The following RPTOR variants were observed in gnomAD, a reference collection of about 807,000 sequenced individuals.
RPTOR encodes regulatory associated protein of MTOR complex 1.
A neutral mutation model predicts 169.9 loss-of-function variants in RPTOR; 21 were observed. The observed-to-expected ratio is 0.12, with a 90% CI of 0.09 to 0.18. The LOEUF (loss-of-function observed/expected upper bound fraction) is 0.18. RPTOR is among the 10% of genes least tolerant of loss of function. The pLI is 1.00. For synonymous variants in RPTOR, 732 were observed against 753.2 expected, an observed-to-expected ratio of 0.97 and a Z score of 0.46; for missense variants, 1,133 against 1,855.9, an observed-to-expected ratio of 0.61 and a Z score of 7.16.
chr17:80,643,584 A>C, intron 2 of RPTOR, 144 bp from the exon 3 acceptor site: 1 of 590,038 alleles, frequency 1.7e-6, no homozygotes, highest in Non-Finnish European at 3.0e-6. Flanking sequence ...AATCTGGTTA[A>C]CACTGATCAA....
At chr17:80,557,053 G>C (rs1322438905) in intron 1 of RPTOR, among the ~76,000 whole-genome samples, 1 of 152,078 alleles carries the variant, frequency 6.6e-6, no homozygotes, top group Non-Finnish European at 1.5e-5. Flanking sequence ...CCAAGATCTT[G>C]CCACTGCACT....
intron 3 of RPTOR, among the ~76,000 whole-genome samples, chr17:80,665,428 CTTT>C (rs1567846271): frequency 7.2e-5 from 1 of 13,834 alleles, no homozygotes; most frequent in Non-Finnish European, 1.2e-4. Context: ...CTTTCCTTTC[CTTT>C]CCTTTCCTTT....
At chr17:80,593,574 T>TA (rs2065123194) in intron 1 of RPTOR, 1 of 154,396 alleles carries the variant, frequency 6.5e-6, no homozygotes, top group Non-Finnish European at 1.5e-5. Flanking sequence ...TTCAAAAGAC[T>TA]ACGTATACAT....
intron 2 of RPTOR, among the ~76,000 whole-genome samples, chr17:80,639,061 T>C (rs2065532025): frequency 6.6e-6 from 1 of 152,138 alleles, no homozygotes; most frequent in African/African-American, 2.4e-5. Flanking sequence ...TCTCACTGTA[T>C]ACAGGACTAA....
chr17:80,732,779 T>G (rs2066403387), intron 5 of RPTOR, among the ~76,000 whole-genome samples: 1 of 152,264 alleles, frequency 6.6e-6, no homozygotes, highest in Non-Finnish European at 1.5e-5. Context: ...TTCATTTTAG[T>G]AATTTCACTA....
chr17:80,962,825 C>T lies in RPTOR; in HGVS notation c.3810-103C>T, dbSNP rs953405341. ...TCACACCTGCCCCGAGCCAGCCTGT[C>T]CCCGTGGTCTAGCCGGCCTGTCCCC... On this transcript the variant is annotated intron_variant, in intron 32 of 33. Coordinates refer to ENST00000306801, the MANE Select transcript of RPTOR (RefSeq NM_020761.3). 5.8e-6 allele frequency: 9 copies of T among 1,553,028 alleles called. No homozygotes were observed. In the African/African-American group the frequency reaches 9.5e-5, roughly 16 times the overall value.
Position 80,672,112 on chromosome 17 carries a change from C to T in RPTOR, c.348+28302C>T, listed in dbSNP as rs1014002149. Among the ~76,000 whole-genome samples the T allele has an allele frequency of 6.6e-5, 10 of 152,154 alleles. No individual in the cohort carries two copies. In the East Asian group the frequency reaches 7.7e-4, roughly 12 times the overall value. On this transcript the variant is annotated intron_variant, in intron 3 of 33. Transcript: ENST00000306801. ...TACTATATTACGAAGTGTTCTGACTCGGATACTGGAGAGGAACAGTGGCCC... is the reference window on the plus strand; with the variant it reads ...TACTATATTACGAAGTGTTCTGACTTGGATACTGGAGAGGAACAGTGGCCC...
At chr17:80,839,085 C>A (rs1247690361) in intron 10 of RPTOR, among the ~76,000 whole-genome samples, 1 of 152,200 alleles carries the variant, frequency 6.6e-6, no homozygotes, top group Non-Finnish European at 1.5e-5. Context: ...TCAGTGCACA[C>A]CACAGCCGTC....
At chr17:80,545,877 C>G in intron 1 of RPTOR, 86 bp downstream of exon 1, 1 of 1,170,316 alleles carries the variant, frequency 8.5e-7, no homozygotes, top group South Asian at 1.7e-5. Flanking sequence ...CTTGGGAAAG[C>G]GCCGACATTT....
chr17:80,920,254 C>T (rs2068729070), intron 21 of RPTOR, among the ~76,000 whole-genome samples: 1 of 152,184 alleles, frequency 6.6e-6, no homozygotes, highest in South Asian at 2.1e-4. Context: ...ACAATCTTGG[C>T]CCCACACCCA....
At chr17:80,553,301 G>A (rs978865004) in intron 1 of RPTOR, among the ~76,000 whole-genome samples, 6 of 152,322 alleles carry the variant, frequency 3.9e-5, no homozygotes, top group African/African-American at 9.6e-5. Flanking sequence ...CTTCATGGAC[G>A]CAGCACGTCC....
intron 21 of RPTOR, among the ~76,000 whole-genome samples, chr17:80,917,769 T>C (rs1221771748): frequency 6.6e-6 from 1 of 152,114 alleles, no homozygotes; most frequent in African/African-American, 2.4e-5. Context: ...CCTCTAGAAC[T>C]GCACCTCTCT....
rs1032029340 is a variant in RPTOR at position 80,816,788 on chromosome 17, G to A, written c.891-5413G>A. ...GAGGAGCCTACGGGGGCCAAGGAGA[G>A]CTTAGCTAGTGCCAGCTTCAGGGCC... On this transcript the variant is annotated intron_variant, in intron 7 of 33. Coordinates refer to ENST00000306801, the MANE Select transcript of RPTOR (RefSeq NM_020761.3). Among the ~76,000 whole-genome samples, 8 of 152,332 alleles carry A rather than the reference G, an allele frequency of 5.3e-5. No homozygotes were observed. In the South Asian group the frequency reaches 6.2e-4, roughly 12 times the overall value.
At chr17:80,848,691 T>C (rs968653995) in intron 11 of RPTOR, among the ~76,000 whole-genome samples, 2 of 152,272 alleles carry the variant, frequency 1.3e-5, no homozygotes, top group Admixed American at 6.5e-5. Flanking sequence ...GCTCTCTTAC[T>C]GGCCTTCCTA....
Position 80,947,161 on chromosome 17 carries a change from T to G in RPTOR, c.3141-66T>G. 1 of 1,442,406 alleles carries G rather than the reference T, an allele frequency of 6.9e-7. No individual in the cohort carries two copies. The highest frequency in any genetic ancestry group is 9.2e-7 in the Non-Finnish European group (1 of 1,087,284). 89.4% of individuals were successfully genotyped at this position (1,442,406 alleles called of 1,614,324 possible). ...TAGCAGCCCGGTGGGTTTCAGGAGG[T>G]ATCTCACTGTCATTTGGGTTTGCAG... is the stretch of plus-strand genomic sequence containing the variant. On this transcript the variant is annotated intron_variant, in intron 26 of 33. Coordinates refer to ENST00000306801, the MANE Select transcript of RPTOR (RefSeq NM_020761.3). The surrounding 1 kb of genome is among the most constrained non-coding windows in gnomAD (Gnocchi z 4.4).
rs975121872 is a variant in RPTOR at position 80,754,480 on chromosome 17, A to G, written c.830+295A>G. ...ACTGCGGAGGCGTCTTAGTACCAGG[A>G]TAGGTCATACTGGAAACTGGACTTT... On this transcript the variant is annotated intron_variant, in intron 6 of 33. Coordinates refer to ENST00000306801, the MANE Select transcript of RPTOR (RefSeq NM_020761.3). This position sits in a 1 kb window ranked among gnomAD's most constrained non-coding sequence, Gnocchi z 4.2. 2.0e-5 allele frequency among the ~76,000 whole-genome samples: 3 copies of G among 152,196 alleles called. No homozygotes were observed. The highest frequency in any genetic ancestry group is 2.0e-4 in the Admixed American group (3 of 15,278).
chr17:80,728,446 G>GGTGTGTGT (rs71367012), intron 4 of RPTOR, among the ~76,000 whole-genome samples: 165 of 148,220 alleles, frequency 1.1e-3, no homozygotes, highest in African/African-American at 1.7e-3. Flanking sequence ...TCCACTCTGG[G>GGTGTGTGT]GTGTGTGTGT....
At chr17:80,631,295 C>G (rs893944060) in intron 2 of RPTOR, among the ~76,000 whole-genome samples, 1 of 152,094 alleles carries the variant, frequency 6.6e-6, no homozygotes, top group Non-Finnish European at 1.5e-5. Context: ...GACTTCAAGC[C>G]TCTCCACACT....
Position 80,737,700 on chromosome 17 carries a change from A to C in RPTOR, c.654+6994A>C, listed in dbSNP as rs1028533949. 2.0e-5 allele frequency among the ~76,000 whole-genome samples: 3 copies of C among 152,140 alleles called. No individual in the cohort carries two copies. The East Asian group carries it at 5.8e-4, about 29-fold the overall frequency. On this transcript the variant is annotated intron_variant, in intron 5 of 33. Transcript: ENST00000306801. ...TATTTATAGTAAGCTGTAAGAACCCATACTTGTGAAGGTTTTCAAAACATT... is the reference window on the plus strand; with the variant it reads ...TATTTATAGTAAGCTGTAAGAACCCCTACTTGTGAAGGTTTTCAAAACATT...
Sources: allele counts gnomAD v4.1 joint callset (sites outside exome capture counted in the v4.1 genomes callset), GRCh38; gene constraint gnomAD v4.1.1; non-coding constraint Gnocchi (gnomAD v3.1); transcripts MANE v1.5; gene names NCBI Gene and HGNC (gene_info 2026-07-23, HGNC 2026-07-21).